The following PAPSS2 variants were observed in gnomAD, a reference collection of about 807,000 sequenced individuals.
The protein encoded by PAPSS2 is bifunctional 3'-phosphoadenosine 5'-phosphosulfate synthase 2.
PAPSS2 carries 61 observed loss-of-function variants against 66.5 expected under a neutral mutation model. That is an observed-to-expected ratio of 0.92 (90% CI 0.75 to 1.14). The LOEUF (loss-of-function observed/expected upper bound fraction) is 1.14. Among genes scored for constraint, PAPSS2 ranks in the 50% most tolerant of loss-of-function variants. The pLI is 0.00. For synonymous variants in PAPSS2, 289 were observed against 287.5 expected, an observed-to-expected ratio of 1.01 and a Z score of -0.05; for missense variants, 708 against 789.6, an observed-to-expected ratio of 0.90 and a Z score of 1.24.
intron 1 of PAPSS2, among the ~76,000 whole-genome samples, chr10:87,672,068 T>C (rs1424915908): frequency 6.6e-6 from 1 of 152,206 alleles, no homozygotes; most frequent in Non-Finnish European, 1.5e-5. Context: ...TCCTAGTAGC[T>C]CTACATATTA....
intron 2 of PAPSS2, among the ~76,000 whole-genome samples, chr10:87,710,211 G>A (rs1213029661): frequency 6.6e-6 from 1 of 152,176 alleles, no homozygotes; most frequent in Non-Finnish European, 1.5e-5. Flanking sequence ...ATCTTTTCTT[G>A]CTGTCCTAAA....
At chr10:87,674,133 A>C (rs1293484696) in intron 1 of PAPSS2, among the ~76,000 whole-genome samples, 1 of 152,188 alleles carries the variant, frequency 6.6e-6, no homozygotes, top group Non-Finnish European at 1.5e-5. Context: ...TAGAGTCCCC[A>C]GAAGTCAGGA....
intron 8 of PAPSS2, among the ~76,000 whole-genome samples, chr10:87,726,346 C>G (rs2131720052): frequency 6.6e-6 from 1 of 152,332 alleles, no homozygotes; most frequent in South Asian, 2.1e-4. Context: ...AGGACAATAG[C>G]TTGAACCTGG....
At chr10:87,705,094 A>G (rs1000198320) in intron 1 of PAPSS2, among the ~76,000 whole-genome samples, 1 of 152,236 alleles carries the variant, frequency 6.6e-6, no homozygotes. Context: ...AAGCATTGCC[A>G]TCACCCCAGA....
chr10:87,661,700 G>GA (rs1459359734), intron 1 of PAPSS2, among the ~76,000 whole-genome samples: 1 of 152,204 alleles, frequency 6.6e-6, no homozygotes, highest in African/African-American at 2.4e-5. Flanking sequence ...TGCACAGTCA[G>GA]AAGCAGTGAG....
chr10:87,705,243 A>T (rs1853368661), intron 1 of PAPSS2, among the ~76,000 whole-genome samples: 2 of 152,194 alleles, frequency 1.3e-5, no homozygotes, highest in South Asian at 4.1e-4. Context: ...TATCATCCAT[A>T]TTCCGTGTAT....
At chr10:87,730,366 C>T (rs1853713807) in intron 9 of PAPSS2, among the ~76,000 whole-genome samples, 1 of 152,090 alleles carries the variant, frequency 6.6e-6, no homozygotes, top group African/African-American at 2.4e-5. Flanking sequence ...GGCAGGAAAT[C>T]AGGTTACGCT....
At chr10:87,734,125 C>A (rs538128993) in intron 9 of PAPSS2, among the ~76,000 whole-genome samples, 2 of 152,266 alleles carry the variant, frequency 1.3e-5, no homozygotes, top group South Asian at 4.1e-4. Context: ...TTTGGAAACC[C>A]CTTTATTAAG....
chr10:87,734,258 G>A (rs1336621247), intron 9 of PAPSS2, among the ~76,000 whole-genome samples: 4 of 151,990 alleles, frequency 2.6e-5, no homozygotes, highest in African/African-American at 9.7e-5. Context: ...CTTCAACCTG[G>A]CACACTGTTT....
At chr10:87,662,354 A>G (rs531968655) in intron 1 of PAPSS2, among the ~76,000 whole-genome samples, 7 of 152,310 alleles carry the variant, frequency 4.6e-5, no homozygotes, top group African/African-American at 1.2e-4. Context: ...AAGAGGAGAT[A>G]GTTTTGGTTT....
chr10:87,711,223 C>CA (rs1000687096), intron 2 of PAPSS2, among the ~76,000 whole-genome samples: 80 of 152,226 alleles, frequency 5.3e-4, no homozygotes, highest in African/African-American at 1.9e-3. Flanking sequence ...CTTATTTGTA[C>CA]AATGGGAATA....
chr10:87,722,171 A>T (rs1404286017), intron 8 of PAPSS2, among the ~76,000 whole-genome samples: 5 of 152,324 alleles, frequency 3.3e-5, no homozygotes, highest in Middle Eastern at 3.4e-3. Context: ...TGAAGAATAA[A>T]TCGATTTAAA....
intron 1 of PAPSS2, among the ~76,000 whole-genome samples, chr10:87,706,140 G>GTGTGTGTGTGTGTGTATA (rs1304990011): frequency 5.3e-5 from 6 of 113,240 alleles, no homozygotes; most frequent in African/African-American, 2.2e-4. Flanking sequence ...GTGTGTGTGT[G>GTGTGTGTGTGTGTGTATA]TATATATATA....
At chr10:87,677,372 G>A (rs12257469) in intron 1 of PAPSS2, among the ~76,000 whole-genome samples, 84,903 of 151,922 alleles carry the variant, frequency 0.56, 24,132 homozygotes, top group East Asian at 0.78. Flanking sequence ...GAATTTGACT[G>A]CAAATATTTT....
At chr10:87,675,971 C>CTTTT (rs5786787) in intron 1 of PAPSS2, among the ~76,000 whole-genome samples, 20 of 127,938 alleles carry the variant, frequency 1.6e-4, no homozygotes, top group African/African-American at 4.7e-4. Context: ...TTCCACATTT[C>CTTTT]TTTTTTTTTT....
At chr10:87,661,784 A>T (rs561766095) in intron 1 of PAPSS2, among the ~76,000 whole-genome samples, 1 of 152,180 alleles carries the variant, frequency 6.6e-6, no homozygotes, top group Non-Finnish European at 1.5e-5. Flanking sequence ...AGGTGGGTGT[A>T]TGTGTGTGTC....
chr10:87,717,942 A>G (rs1182271958), intron 7 of PAPSS2, among the ~76,000 whole-genome samples: 2 of 152,238 alleles, frequency 1.3e-5, no homozygotes, highest in Non-Finnish European at 2.9e-5. Flanking sequence ...TGGATGATTT[A>G]GGCAAAATCT....
chr10:87,696,370 A>G (rs1853234869), intron 1 of PAPSS2, among the ~76,000 whole-genome samples: 3 of 152,226 alleles, frequency 2.0e-5, no homozygotes, highest in South Asian at 2.1e-4. Context: ...TATGTATGTT[A>G]TAATAGGAGG....
intron 9 of PAPSS2, among the ~76,000 whole-genome samples, chr10:87,731,587 A>T (rs980733751): frequency 6.6e-5 from 10 of 152,236 alleles, no homozygotes; most frequent in African/African-American, 2.4e-4. Flanking sequence ...GGGATTCACC[A>T]TTCTGGATGC....
Sources: gnomAD v4.1 joint callset for allele counts (sites outside exome capture counted in the v4.1 genomes callset) on GRCh38, gnomAD v4.1.1 for gene constraint, MANE v1.5 for transcripts, NCBI Gene and HGNC (gene_info 2026-07-23, HGNC 2026-07-21) for gene names.